COL11A2: variants seen among roughly 807,000 people sequenced by gnomAD.
The protein encoded by COL11A2 is collagen alpha-2(XI) chain.
In COL11A2, 116 loss-of-function variants were observed where a neutral mutation model predicts 273.4. That is an observed-to-expected ratio of 0.42 (90% CI 0.36 to 0.49). The LOEUF is 0.49. COL11A2 is among the 20% of genes least tolerant of loss of function. COL11A2 has a pLI of 0.00. For missense variants in COL11A2, 1,866 were observed against 2,309.0 expected (o/e 0.81, Z 3.93); for synonymous variants, 782 against 864.2 (o/e 0.90, Z 1.67).
At chr6:33,181,945 T>C (rs1771789388) in intron 8 of COL11A2, among the ~76,000 whole-genome samples, 1 of 152,174 alleles carries the variant, frequency 6.6e-6, no homozygotes, top group Non-Finnish European at 1.5e-5. Context: ...GATTTTTATT[T>C]GGGGTAAGAG....
In COL11A2 at chr6:33,181,164, G is replaced by A. The variant is rs778387422; in HGVS notation, c.1126C>T (p.His376Tyr). 1 of 1,614,154 alleles carries A rather than the reference G, an allele frequency of 6.2e-7. No homozygotes were observed. Among genetic ancestry groups the A allele is most frequent in the Non-Finnish European group, 8.5e-7 (1 of 1,180,040 alleles). Reference protein sequence around the residue: ...AETAHSGAAAHGPRGLKGEKG... With the variant: ...AETAHSGAAAYGPRGLKGEKG... Reference sequence around the variant, plus strand: ...TCTCCCTTCAGCCCTCGGGGTCCATGGGCAGCCTGAAGGAGACACACATGT... The same window carrying A: ...TCTCCCTTCAGCCCTCGGGGTCCATAGGCAGCCTGAAGGAGACACACATGT... Residue 376 changes from histidine to tyrosine, a missense_variant, in exon 9 of 66, where the codon CAT (histidine) becomes TAT (tyrosine). By Grantham distance (83) the His-to-Tyr change is moderately conservative. Transcript: ENST00000341947.
chr6:33,179,547 C>G lies in COL11A2; in HGVS notation c.1447-60G>C. On this transcript the variant is annotated intron_variant, in intron 13 of 65. Transcript: ENST00000341947. This position sits in a 1 kb window ranked among gnomAD's most constrained non-coding sequence, Gnocchi z 6.4. ...AGGCAGTGGGAACCCCCAGCCCCAG[C>G]ACTCTCCAAATTCACCCTTCCTCTC... 1 of 1,492,254 alleles carries G rather than the reference C, an allele frequency of 6.7e-7. No individual in the cohort carries two copies. The highest frequency in any genetic ancestry group is 2.5e-5 in the East Asian group (1 of 40,692). 92.4% of individuals were successfully genotyped at this position (1,492,254 alleles called of 1,614,324 possible). A position where few individuals can be genotyped will look rare whatever the true frequency, so the allele number is the denominator to read the frequency against.
rs780346273 is a variant in COL11A2 at position 33,167,301 on chromosome 6, G to A, written c.4139C>T (p.Pro1380Leu). 6.2e-7 allele frequency: 1 copy of A among 1,613,878 alleles called. No homozygotes were observed. Among genetic ancestry groups the A allele is most frequent in the Non-Finnish European group, 8.5e-7 (1 of 1,180,020 alleles). The change falls in exon 57 of 66, where the codon CCT (proline) becomes CTT (leucine). Residue 1380 changes from proline to leucine, a missense_variant. Coordinates refer to ENST00000341947, the MANE Select transcript of COL11A2 (RefSeq NM_080680.3). This position sits in a 1 kb window ranked among gnomAD's most constrained non-coding sequence, Gnocchi z 6.1. ...GGGCCCAGCCTGGCCTGTAGCTCCA[G>A]GTCGGCCTTGCTGACCCTGAAGATT... ...LPGSVGQQGR[P>L]GATGQAGPPG... is the part of the protein sequence containing the mutation.
chr6:33,168,405 C>A, intron 54 of COL11A2, 114 bp downstream of exon 54: 2 of 1,171,334 alleles, frequency 1.7e-6, no homozygotes, highest in African/African-American at 1.5e-5. Flanking sequence ...CACACACACC[C>A]AGGGCAATGC....
upstream of COL11A2, chr6:33,193,484 A>T (rs1040843978): frequency 1.3e-4 from 16 of 122,136 alleles, no homozygotes; most frequent in East Asian, 4.4e-3. Flanking sequence ...CTTGGGCCCC[A>T]CGGAACCTCG....
intron 8 of COL11A2, among the ~76,000 whole-genome samples, chr6:33,181,974 G>A (rs1210346249): frequency 1.3e-5 from 2 of 152,234 alleles, no homozygotes; most frequent in South Asian, 2.1e-4. Flanking sequence ...GGACCCACAT[G>A]AGAACCTGAT....
At position 33,189,464 on chromosome 6, in the gene COL11A2, G is replaced by T. The variant is rs1562391048; in HGVS notation, c.88C>A (p.Pro30Thr). 1 of 1,613,072 alleles carries T rather than the reference G, an allele frequency of 6.2e-7. No individual in the cohort carries two copies. Among genetic ancestry groups the T allele is most frequent in the Non-Finnish European group, 8.5e-7 (1 of 1,180,022 alleles). ...LSAAPGWAGAPPVDVLRALRF... is the reference protein window; with the variant it reads ...LSAAPGWAGATPVDVLRALRF... ...AGGGCCCGGAGCACATCCACAGGGGGTGCACCTGGGAGAGTCCATGATTAT... is the reference window on the plus strand; with the variant it reads ...AGGGCCCGGAGCACATCCACAGGGGTTGCACCTGGGAGAGTCCATGATTAT... Residue 30 changes from proline (P) to threonine (T), a missense_variant, in exon 2 of 66, where the codon CCC becomes ACC. Coordinates refer to ENST00000341947, the MANE Select transcript of COL11A2 (RefSeq NM_080680.3). The surrounding 1 kb of genome is among the most constrained non-coding windows in gnomAD (Gnocchi z 5.6).
intron 5 of COL11A2, 118 bp from the exon 6 acceptor site, chr6:33,185,896 G>T: frequency 2.4e-6 from 1 of 423,488 alleles, no homozygotes. Context: ...GGGGAGGTGT[G>T]GAGTTGGGAA....
rs1771294267 is a variant in COL11A2, at chr6:33,178,808, G to A, written c.1666-76C>T. On this transcript the variant is annotated intron_variant, in intron 17 of 65. Transcript: ENST00000341947. The surrounding 1 kb of genome is among the most constrained non-coding windows in gnomAD (Gnocchi z 4.6). ...ACCCCTCCCTACTGCACCCTGAGCT[G>A]GGGGGGTGCTGATCCTGGGGAAGCC... 1.9e-6 allele frequency: 3 copies of A among 1,590,930 alleles called. No individual in the cohort carries two copies. The highest frequency in any genetic ancestry group is 2.6e-6 in the Non-Finnish European group (3 of 1,160,210).
chr6:33,177,794 C>G lies in COL11A2; in HGVS notation c.1873-88G>C. 5 of 1,431,664 alleles carry G rather than the reference C, an allele frequency of 3.5e-6. No homozygotes were observed. Among genetic ancestry groups the G allele is most frequent in the Non-Finnish European group, 3.9e-6 (4 of 1,023,120 alleles). 88.7% of individuals were successfully genotyped at this position (1,431,664 alleles called of 1,614,324 possible). ...GGCCCGGCCATTCCCGAGGGTGTGA[C>G]GGTCAGACCTCCAATCCATCCCAAA... On this transcript the variant is annotated intron_variant, in intron 21 of 65. Transcript: ENST00000341947. This position sits in a 1 kb window ranked among gnomAD's most constrained non-coding sequence, Gnocchi z 5.9.
upstream of COL11A2, among the ~76,000 whole-genome samples, chr6:33,193,378 C>T (rs533011322): frequency 3.4e-5 from 5 of 147,228 alleles, no homozygotes; most frequent in Non-Finnish European, 6.1e-5. Flanking sequence ...CACCGCCCCC[C>T]CTTCCTCCTC....
Position 33,188,256 on chromosome 6 carries a change from A to C in COL11A2, c.606+106T>G. ...TAGAAATGAAAATTCATAAGAAAAAAAAATGAAGGCCTAGGGAATAGGAAG... is the reference window on the plus strand; with the variant it reads ...TAGAAATGAAAATTCATAAGAAAAACAAATGAAGGCCTAGGGAATAGGAAG... On this transcript the variant is annotated intron_variant, in intron 4 of 65. Coordinates refer to ENST00000341947, the MANE Select transcript of COL11A2 (RefSeq NM_080680.3). 1.0e-5 allele frequency: 14 copies of C among 1,372,780 alleles called. No individual in the cohort carries two copies. In the Admixed American group the frequency reaches 1.9e-4, roughly 18 times the overall value. 85.0% of individuals were successfully genotyped at this position (1,372,780 alleles called of 1,614,324 possible).
At chr6:33,172,759 C>T (rs1434779779) in intron 38 of COL11A2, 122 bp from the exon 39 acceptor site, 1 of 915,758 alleles carries the variant, frequency 1.1e-6, no homozygotes, top group East Asian at 2.6e-5. Context: ...CCCAAAGCTC[C>T]TGGGAAATTC....
rs779553908 is a variant in COL11A2 at position 33,178,738 on chromosome 6, A to G, written c.1666-6T>C. 5.0e-6 allele frequency: 8 copies of G among 1,611,944 alleles called. No individual in the cohort carries two copies. In the African/African-American group the frequency reaches 9.4e-5, roughly 19 times the overall value. On this transcript the variant is annotated splice_region_variant and splice_polypyrimidine_tract_variant and intron_variant, in intron 17 of 65. Coordinates refer to ENST00000341947, the MANE Select transcript of COL11A2 (RefSeq NM_080680.3). This position sits in a 1 kb window ranked among gnomAD's most constrained non-coding sequence, Gnocchi z 4.6. ...CCATCAAAACCTCGGTCACCCTAGGAGGAGGAAGGATAGCCAGAGTGAGGA... is the reference window on the plus strand; with the variant it reads ...CCATCAAAACCTCGGTCACCCTAGGGGGAGGAAGGATAGCCAGAGTGAGGA...
Position 33,174,151 on chromosome 6 carries a change from A to G in COL11A2, c.2484+14T>C. Reference sequence around the variant, plus strand: ...AGCCCTTCCCTTCTCACGCCCTCCCACCCCCCAGCTTACCCGGGCTCCCTT... The same window carrying G: ...AGCCCTTCCCTTCTCACGCCCTCCCGCCCCCCAGCTTACCCGGGCTCCCTT... On this transcript the variant is annotated intron_variant, in intron 32 of 65. Transcript: ENST00000341947. 1 of 1,577,266 alleles carries G rather than the reference A, an allele frequency of 6.3e-7. No individual in the cohort carries two copies. The highest frequency in any genetic ancestry group is 1.2e-5 in the South Asian group (1 of 86,938).
Position 33,185,026 on chromosome 6 carries a change from A to G in COL11A2, c.905T>C (p.Ile302Thr). Residue 302 changes from isoleucine (I) to threonine (T), a missense_variant, in exon 7 of 66, where the codon ATC becomes ACC. Coordinates refer to ENST00000341947, the MANE Select transcript of COL11A2 (RefSeq NM_080680.3). ...QDPTPGEEEE[I>T]LESSLLPPLE... ...GGGTGGCAAGAGGCTCGACTCCAGG[A>G]TTTCTTCCTCTTCACCTGGGGTGGG... The G allele has an allele frequency of 6.4e-7, 1 of 1,551,328 alleles. No homozygotes were observed. Among genetic ancestry groups the G allele is most frequent in the South Asian group, 1.2e-5 (1 of 84,042 alleles).
Position 33,190,301 on chromosome 6 carries a change from A to G in COL11A2, c.83-832T>C, listed in dbSNP as rs1772961867. ...GTGGATCCCATCAGAGTGCTTGCCC[A>G]GAACCCAGGCAAGCTCCCCACACCT... On this transcript the variant is annotated intron_variant, in intron 1 of 65. Coordinates refer to ENST00000341947, the MANE Select transcript of COL11A2 (RefSeq NM_080680.3). This position sits in a 1 kb window ranked among gnomAD's most constrained non-coding sequence, Gnocchi z 4.5. Among the ~76,000 whole-genome samples, 1 of 152,076 alleles carries G rather than the reference A, an allele frequency of 6.6e-6. No homozygotes were observed. Among genetic ancestry groups the G allele is most frequent in the Non-Finnish European group, 1.5e-5 (1 of 67,984 alleles).
rs184344853 is a variant in COL11A2, at chr6:33,167,962, T to C, written c.3961-110A>G. 1.3e-5 allele frequency: 16 copies of C among 1,199,276 alleles called. No individual in the cohort carries two copies. In the East Asian group the frequency reaches 3.1e-4, roughly 23 times the overall value. The allele number at this position is 1,199,276 out of a possible 1,614,324, so 74.3% of individuals were successfully genotyped here. A position where few individuals can be genotyped will look rare whatever the true frequency, so the allele number is the denominator to read the frequency against. ...ATACACATGCACACACACACGTGCA[T>C]ACACAGGGACACGCGCCGAGGGCCG... On this transcript the variant is annotated intron_variant, in intron 54 of 65. Transcript: ENST00000341947. The surrounding 1 kb of genome is among the most constrained non-coding windows in gnomAD (Gnocchi z 6.1).
Position 33,184,344 on chromosome 6 carries a change from G to C in COL11A2, c.940-20C>G. ...CTGCTCCTTCCCAGGGATGGGGAGGGAGAGGGGTAGATGGGGATGTTAGGG... is the reference window on the plus strand; with the variant it reads ...CTGCTCCTTCCCAGGGATGGGGAGGCAGAGGGGTAGATGGGGATGTTAGGG... On this transcript the variant is annotated intron_variant, in intron 7 of 65. Transcript: ENST00000341947. The C allele has an allele frequency of 7.4e-7, 1 of 1,355,372 alleles. No homozygotes were observed. The highest frequency in any genetic ancestry group is 1.1e-5 in the South Asian group (1 of 87,838). The allele number at this position is 1,355,372 out of a possible 1,614,324, so 84.0% of individuals were successfully genotyped here. A position where few individuals can be genotyped will look rare whatever the true frequency, so the allele number is the denominator to read the frequency against.
Sources: allele counts gnomAD v4.1 joint callset (sites outside exome capture counted in the v4.1 genomes callset), GRCh38; gene constraint gnomAD v4.1.1; non-coding constraint Gnocchi (gnomAD v3.1); transcripts MANE v1.5; gene names NCBI Gene and HGNC (gene_info 2026-07-23, HGNC 2026-07-21).